ZBBX: variants seen among roughly 807,000 people sequenced by gnomAD.
The protein encoded by ZBBX is zinc finger B-box domain-containing protein 1.
ZBBX carries 101 observed loss-of-function variants against 108.5 expected under a neutral mutation model. The observed-to-expected ratio is 0.93, with a 90% CI of 0.79 to 1.10. The LOEUF (loss-of-function observed/expected upper bound fraction) is 1.10. Among genes scored for constraint, ZBBX ranks in the 50% least tolerant of loss-of-function variants. The probability of loss-of-function intolerance (pLI) is 0.00; values close to 1 mark genes in which losing one functional copy is unlikely to be tolerated. For synonymous variants in ZBBX, 356 were observed against 323.4 expected (o/e 1.10, Z -1.08); for missense variants, 1,009 against 941.4 (o/e 1.07, Z -0.94).
intron 1 of ZBBX, among the ~76,000 whole-genome samples, chr3:167,407,327 C>T (rs1438032258): frequency 6.6e-6 from 1 of 152,030 alleles, no homozygotes; most frequent in Non-Finnish European, 1.5e-5. Flanking sequence ...GTAGAAATGT[C>T]CAATGCTAAT....
intron 17 of ZBBX, among the ~76,000 whole-genome samples, chr3:167,304,263 G>T (rs1733221057): frequency 6.6e-6 from 1 of 152,140 alleles, no homozygotes; most frequent in African/African-American, 2.4e-5. Flanking sequence ...CAGGCTTACT[G>T]CCCAGTGTAA....
chr3:167,352,277 G>A (rs921512910), intron 8 of ZBBX, among the ~76,000 whole-genome samples: 4 of 151,818 alleles, frequency 2.6e-5, no homozygotes, highest in East Asian at 1.9e-4. Context: ...ATTCAAATAC[G>A]CACAATAAGA....
chr3:167,344,719 A>T (rs1297493891), intron 9 of ZBBX, among the ~76,000 whole-genome samples: 1 of 151,716 alleles, frequency 6.6e-6, no homozygotes, highest in Non-Finnish European at 1.5e-5. Context: ...CTTACTTTCC[A>T]CCAGAGCCAA....
At chr3:167,306,908 T>C (rs1218516675) in intron 16 of ZBBX, among the ~76,000 whole-genome samples, 1 of 152,196 alleles carries the variant, frequency 6.6e-6, no homozygotes, top group Non-Finnish European at 1.5e-5. Flanking sequence ...TCTCCTGTGA[T>C]GTAAATGCTT....
the ZBBX span, among the ~76,000 whole-genome samples, chr3:167,186,315 C>G: frequency 6.6e-6 from 1 of 151,872 alleles, no homozygotes; most frequent in Non-Finnish European, 1.5e-5. Context: ...TAAAATGAAA[C>G]TAGGGACCAA....
At chr3:167,265,388 A>G (rs1292473117) in intron 20 of ZBBX, among the ~76,000 whole-genome samples, 2 of 151,886 alleles carry the variant, frequency 1.3e-5, no homozygotes, top group Non-Finnish European at 2.9e-5. Flanking sequence ...AGGAGCTAGG[A>G]CCTGAAATGG....
At chr3:167,270,600 G>C (rs1726351490) in intron 20 of ZBBX, among the ~76,000 whole-genome samples, 1 of 152,170 alleles carries the variant, frequency 6.6e-6, no homozygotes, top group South Asian at 2.1e-4. Context: ...CTTATCAAAG[G>C]TTTTAGACCC....
At chr3:167,226,928 A>T in the ZBBX span, among the ~76,000 whole-genome samples, 1 of 151,718 alleles carries the variant, frequency 6.6e-6, no homozygotes, top group Non-Finnish European at 1.5e-5. Context: ...AGATTTCATC[A>T]GCCTGTATCT....
In ZBBX at chr3:167,242,501, T is replaced by C; in HGVS notation, c.2393+4A>G. Reference sequence around the variant, plus strand: ...TTAATAAATAAACTGCAGGCTTAACTTACCTCAATTCCTCAACTCCACAGG... The same window carrying C: ...TTAATAAATAAACTGCAGGCTTAACCTACCTCAATTCCTCAACTCCACAGG... On this transcript the variant is annotated splice_donor_region_variant and intron_variant, in intron 21 of 21. Coordinates refer to ENST00000675490, the MANE Select transcript of ZBBX (RefSeq NM_001199201.2). The C allele has an allele frequency of 5.6e-6, 9 of 1,596,616 alleles. No individual in the cohort carries two copies. Among genetic ancestry groups the C allele is most frequent in the Non-Finnish European group, 7.7e-6 (9 of 1,174,360 alleles).
At chr3:167,332,290 AAC>A (rs58297167) in intron 10 of ZBBX, among the ~76,000 whole-genome samples, 5 of 148,814 alleles carry the variant, frequency 3.4e-5, no homozygotes, top group Non-Finnish European at 6.0e-5. Context: ...CACACACACA[AAC>A]ACACACACAC....
At chr3:167,390,033 T>C (rs1010404487) in intron 1 of ZBBX, among the ~76,000 whole-genome samples, 1 of 152,066 alleles carries the variant, frequency 6.6e-6, no homozygotes, top group Non-Finnish European at 1.5e-5. Context: ...TCATGAAGTC[T>C]TTGCCCATGC....
the ZBBX span, among the ~76,000 whole-genome samples, chr3:167,224,880 C>T: frequency 6.6e-6 from 1 of 151,816 alleles, no homozygotes; most frequent in African/African-American, 2.4e-5. Context: ...CCAGTCTAGC[C>T]TAATATCCCC....
At chr3:167,374,873 T>C (rs1472794698) in intron 2 of ZBBX, among the ~76,000 whole-genome samples, 3 of 152,162 alleles carry the variant, frequency 2.0e-5, no homozygotes, top group Admixed American at 2.0e-4. Context: ...ATGGATTAGA[T>C]GAACAATCCA....
intron 14 of ZBBX, 138 bp downstream of exon 14, chr3:167,316,866 AC>A (rs1211373908): frequency 2.0e-6 from 1 of 494,950 alleles, no homozygotes; most frequent in Non-Finnish European, 3.5e-6. Context: ...GCATATTTAA[AC>A]CCAAACACTT....
chr3:167,184,935 C>G, the ZBBX span, among the ~76,000 whole-genome samples: 6 of 152,186 alleles, frequency 3.9e-5, no homozygotes, highest in Non-Finnish European at 7.3e-5. Flanking sequence ...TGGTATTATA[C>G]TGTAGCTTCA....
intron 20 of ZBBX, 118 bp from the exon 21 acceptor site, chr3:167,242,761 G>A: frequency 1.1e-6 from 1 of 911,976 alleles, no homozygotes; most frequent in Non-Finnish European, 1.5e-6. Flanking sequence ...GGTCAGCATA[G>A]ATTTTTAATT....
At chr3:167,254,190 CAT>C (rs1723079391) in intron 20 of ZBBX, among the ~76,000 whole-genome samples, 1 of 152,132 alleles carries the variant, frequency 6.6e-6, no homozygotes, top group African/African-American at 2.4e-5. Flanking sequence ...CACACACTGA[CAT>C]ATTTTTTTGT....
intron 20 of ZBBX, among the ~76,000 whole-genome samples, chr3:167,248,159 C>T (rs1415140316): frequency 6.6e-6 from 1 of 152,162 alleles, no homozygotes; most frequent in Non-Finnish European, 1.5e-5. Context: ...CTTACCCTTT[C>T]CCCTCCCAGC....
chr3:167,235,260 C>T (rs1229659427), downstream of ZBBX, among the ~76,000 whole-genome samples: 2 of 151,604 alleles, frequency 1.3e-5, no homozygotes, highest in Non-Finnish European at 3.0e-5. Flanking sequence ...AAATGTGCAT[C>T]TGCTCATTTC....
Sources: gnomAD v4.1 joint callset for allele counts (sites outside exome capture counted in the v4.1 genomes callset) on GRCh38, gnomAD v4.1.1 for gene constraint, MANE v1.5 for transcripts, NCBI Gene and HGNC (gene_info 2026-07-23, HGNC 2026-07-21) for gene names.